Variants in KCNIP4 observed in about 807,000 individuals in gnomAD.
KCNIP4 encodes the protein potassium voltage-gated channel interacting protein 4, also known as Kv channel-interacting protein 4.
A neutral mutation model predicts 34.0 loss-of-function variants in KCNIP4; 12 were observed. The ratio of observed to expected loss-of-function variants is 0.35; its 90% CI spans 0.23 to 0.57. The LOEUF (loss-of-function observed/expected upper bound fraction) is 0.57. Among genes scored for constraint, KCNIP4 ranks in the 20% least tolerant of loss-of-function variants. KCNIP4 has a pLI of 0.83. For synonymous variants in KCNIP4, 124 were observed against 102.2 expected (o/e 1.21, Z -1.29); for missense variants, 238 against 311.7 (o/e 0.76, Z 1.78).
intron 1 of KCNIP4, among the ~76,000 whole-genome samples, chr4:21,378,405 T>C (rs1721173838): frequency 6.6e-6 from 1 of 152,200 alleles, no homozygotes; most frequent in Non-Finnish European, 1.5e-5. Context: ...CAATATTATC[T>C]CATAGTGTCA....
intron 1 of KCNIP4, among the ~76,000 whole-genome samples, chr4:21,050,694 T>C (rs1046637179): frequency 1.3e-5 from 2 of 152,218 alleles, no homozygotes; most frequent in African/African-American, 2.4e-5. Flanking sequence ...AGAATTAAGA[T>C]TGACCACAGC....
At chr4:21,352,666 G>A (rs1280416060) in intron 1 of KCNIP4, among the ~76,000 whole-genome samples, 1 of 152,256 alleles carries the variant, frequency 6.6e-6, no homozygotes, top group Admixed American at 6.5e-5. Flanking sequence ...AGCAAGGCCT[G>A]CTGCCTCTAT....
chr4:21,536,070 C>G (rs1473341094), intron 1 of KCNIP4, among the ~76,000 whole-genome samples: 1 of 152,120 alleles, frequency 6.6e-6, no homozygotes, highest in African/African-American at 2.4e-5. Context: ...CTCACCCAAA[C>G]AAACTCTCAC....
At chr4:20,915,138 A>G (rs533872518) in intron 1 of KCNIP4, among the ~76,000 whole-genome samples, 1 of 152,304 alleles carries the variant, frequency 6.6e-6, no homozygotes, top group Admixed American at 6.5e-5. Flanking sequence ...ATATTTTTCA[A>G]AGCGCCAACA....
At chr4:21,321,467 T>C (rs751890781) in intron 1 of KCNIP4, among the ~76,000 whole-genome samples, 4 of 152,106 alleles carry the variant, frequency 2.6e-5, no homozygotes, top group Non-Finnish European at 5.9e-5. Context: ...CATCTAAGTG[T>C]TCTACAAGAT....
intron 1 of KCNIP4, among the ~76,000 whole-genome samples, chr4:21,665,426 C>A (rs1748775647): frequency 6.6e-6 from 1 of 151,930 alleles, no homozygotes; most frequent in Non-Finnish European, 1.5e-5. Context: ...TGCTAAAAAA[C>A]CTAACTTTAA....
chr4:20,817,895 G>C (rs373348947), intron 3 of KCNIP4, among the ~76,000 whole-genome samples: 1 of 152,160 alleles, frequency 6.6e-6, no homozygotes, highest in Non-Finnish European at 1.5e-5. Flanking sequence ...CTTGAGCGTA[G>C]AGTATGAGGA....
intron 3 of KCNIP4, among the ~76,000 whole-genome samples, chr4:20,835,049 T>C (rs1718873979): frequency 6.6e-6 from 1 of 152,204 alleles, no homozygotes; most frequent in African/African-American, 2.4e-5. Flanking sequence ...TTTTTTCTCC[T>C]GTTAGATCAA....
chr4:21,705,513 AG>A (rs2109068438), intron 1 of KCNIP4, among the ~76,000 whole-genome samples: 1 of 152,282 alleles, frequency 6.6e-6, no homozygotes, highest in South Asian at 2.1e-4. Flanking sequence ...CTACTGTTTT[AG>A]GTGCTGAATA....
intron 1 of KCNIP4, among the ~76,000 whole-genome samples, chr4:21,610,948 C>T (rs977778115): frequency 1.1e-4 from 16 of 152,092 alleles, no homozygotes; most frequent in Non-Finnish European, 1.0e-4. Context: ...AGATATTTCT[C>T]CTAATGCTAT....
At chr4:20,770,164 T>C (rs577983713) in intron 3 of KCNIP4, among the ~76,000 whole-genome samples, 1 of 152,126 alleles carries the variant, frequency 6.6e-6, no homozygotes, top group East Asian at 1.9e-4. Flanking sequence ...AACAACAGTC[T>C]TTTTTTTACA....
intron 1 of KCNIP4, among the ~76,000 whole-genome samples, chr4:21,147,341 C>T (rs1752434746): frequency 6.6e-6 from 1 of 152,116 alleles, no homozygotes; most frequent in South Asian, 2.1e-4. Flanking sequence ...CCAGAGAGAC[C>T]GTAGCTTTCC....
chr4:21,615,018 G>A (rs1026598010), intron 1 of KCNIP4, among the ~76,000 whole-genome samples: 1 of 152,098 alleles, frequency 6.6e-6, no homozygotes, highest in African/African-American at 2.4e-5. Flanking sequence ...CTTTTTCTGA[G>A]TGTGGTTGGC....
chr4:21,929,338 C>A (rs1729436355), intron 1 of KCNIP4, among the ~76,000 whole-genome samples: 1 of 152,016 alleles, frequency 6.6e-6, no homozygotes, highest in Non-Finnish European at 1.5e-5. Flanking sequence ...AGGCTGGAAG[C>A]AAATATTTTC....
At chr4:21,330,870 G>C (rs1715561020) in intron 1 of KCNIP4, among the ~76,000 whole-genome samples, 1 of 152,044 alleles carries the variant, frequency 6.6e-6, no homozygotes, top group African/African-American at 2.4e-5. Context: ...TCTCTTCCTT[G>C]TGCTTTGCCC....
chr4:21,757,569 A>C (rs1300764862), intron 1 of KCNIP4, among the ~76,000 whole-genome samples: 1 of 152,188 alleles, frequency 6.6e-6, no homozygotes, highest in African/African-American at 2.4e-5. Flanking sequence ...TCTTTTTTAG[A>C]GACGTCTTCA....
At chr4:21,922,118 G>C (rs10938869) in intron 1 of KCNIP4, among the ~76,000 whole-genome samples, 2 of 152,012 alleles carry the variant, frequency 1.3e-5, no homozygotes, top group South Asian at 4.2e-4. Context: ...GTCTTCTCTC[G>C]GGAAAACTTT....
chr4:21,785,874 C>A (rs1719875845), intron 1 of KCNIP4, among the ~76,000 whole-genome samples: 1 of 152,114 alleles, frequency 6.6e-6, no homozygotes, highest in Non-Finnish European at 1.5e-5. Flanking sequence ...TTGAATTGTT[C>A]CCACTTTTTG....
intron 2 of KCNIP4, among the ~76,000 whole-genome samples, chr4:20,880,536 A>G (rs1004358173): frequency 2.0e-5 from 3 of 152,104 alleles, no homozygotes; most frequent in Non-Finnish European, 4.4e-5. Flanking sequence ...ATTGCATTGC[A>G]TCCTCTGTGA....
Sources: gnomAD v4.1 joint callset for allele counts (sites outside exome capture counted in the v4.1 genomes callset) on GRCh38, gnomAD v4.1.1 for gene constraint, MANE v1.5 for transcripts, NCBI Gene and HGNC (gene_info 2026-07-23, HGNC 2026-07-21) for gene names.